The following ERBB4 variants were observed in gnomAD, a reference collection of about 807,000 sequenced individuals.
The protein encoded by ERBB4 is erb-b2 receptor tyrosine kinase 4, also known as receptor tyrosine-protein kinase erbB-4.
A neutral mutation model predicts 158.0 loss-of-function variants in ERBB4; 42 were observed. That is an observed-to-expected ratio of 0.27 (90% CI 0.21 to 0.34). The LOEUF (loss-of-function observed/expected upper bound fraction) is 0.34, where lower values mean the gene tolerates loss of function less well. Among genes scored for constraint, ERBB4 ranks in the 10% least tolerant of loss-of-function variants. ERBB4 has a pLI of 1.00. For synonymous variants in ERBB4, 583 were observed against 558.7 expected (o/e 1.04, Z -0.61); for missense variants, 1,333 against 1,624.1 (o/e 0.82, Z 3.08).
chr2:212,536,303 G>T (rs760896183), intron 1 of ERBB4, among the ~76,000 whole-genome samples: 1 of 152,030 alleles, frequency 6.6e-6, no homozygotes, highest in Non-Finnish European at 1.5e-5. Context: ...GCCAGGTGCG[G>T]CAGGGTGGGG....
chr2:212,364,796 T>C (rs867727365), intron 1 of ERBB4, among the ~76,000 whole-genome samples: 1 of 151,728 alleles, frequency 6.6e-6, no homozygotes, highest in South Asian at 2.1e-4. Flanking sequence ...TTGCATTTTA[T>C]GCATGCCAGT....
intron 2 of ERBB4, among the ~76,000 whole-genome samples, chr2:212,037,013 G>A (rs906203104): frequency 2.6e-5 from 4 of 152,128 alleles, no homozygotes; most frequent in African/African-American, 7.2e-5. Context: ...AGAAATAGGC[G>A]CTACAGTAGA....
chr2:212,101,350 C>CATATATATATATATAT (rs56091369), intron 2 of ERBB4, among the ~76,000 whole-genome samples: 1 of 143,088 alleles, frequency 7.0e-6, no homozygotes, highest in Non-Finnish European at 1.5e-5. Context: ...ACACCCTATA[C>CATATATATATATATAT]ATATATATAT....
intron 20 of ERBB4, 74 bp downstream of exon 20, chr2:211,561,829 A>C: frequency 7.9e-7 from 1 of 1,266,630 alleles, no homozygotes; most frequent in Non-Finnish European, 1.2e-6. Context: ...ACATATTTTC[A>C]ATATGAAAAC....
intron 2 of ERBB4, among the ~76,000 whole-genome samples, chr2:212,108,778 C>T (rs1022723617): frequency 6.4e-5 from 9 of 140,926 alleles, no homozygotes; most frequent in East Asian, 2.0e-4. Flanking sequence ...GAGGAAGTAG[C>T]GTCACATTTT....
chr2:211,851,918 G>A (rs1029983484), intron 3 of ERBB4, among the ~76,000 whole-genome samples: 3 of 151,854 alleles, frequency 2.0e-5, no homozygotes, highest in Non-Finnish European at 2.9e-5. Flanking sequence ...ACCTTGATGA[G>A]TGCTTTTATT....
At chr2:212,351,938 T>C (rs1402674667) in intron 1 of ERBB4, among the ~76,000 whole-genome samples, 3 of 152,112 alleles carry the variant, frequency 2.0e-5, no homozygotes, top group African/African-American at 4.8e-5. Context: ...AGTGGTAGAC[T>C]GGATAAAGAA....
rs376362405 is a variant in ERBB4, at chr2:211,550,574, A to AATATATATATATATAT, written c.2487+11313_2487+11328dup. 9.8e-3 allele frequency among the ~76,000 whole-genome samples: 1,334 copies of AATATATATATATATAT among 136,650 alleles called. 13 individuals carry two copies. Among genetic ancestry groups the AATATATATATATATAT allele is most frequent in the Middle Eastern group, 0.035 (9 of 256 alleles). 89.6% of individuals were successfully genotyped at this position (136,650 alleles called of 152,430 possible). ...ATAATCTCATGAGCTCATTCCTTAG[A>AATATATATATATATAT]ATATATATATATATATATATAAATA... is the stretch of plus-strand genomic sequence containing the variant. On this transcript the variant is annotated intron_variant, in intron 20 of 27. Coordinates refer to ENST00000342788, the MANE Select transcript of ERBB4 (RefSeq NM_005235.3).
chr2:212,229,147 C>A (rs150982270), intron 1 of ERBB4, among the ~76,000 whole-genome samples: 302 of 152,238 alleles, frequency 2.0e-3, no homozygotes, highest in African/African-American at 6.9e-3. Context: ...TTAAGGAACA[C>A]AGTCTAATGT....
intron 1 of ERBB4, among the ~76,000 whole-genome samples, chr2:212,460,111 A>G (rs928480292): frequency 6.6e-6 from 1 of 152,200 alleles, no homozygotes; most frequent in Non-Finnish European, 1.5e-5. Context: ...GCCTGCTGCC[A>G]TCCACATAAG....
chr2:211,884,425 T>C (rs2078742527), intron 3 of ERBB4, among the ~76,000 whole-genome samples: 1 of 152,158 alleles, frequency 6.6e-6, no homozygotes, highest in South Asian at 2.1e-4. Flanking sequence ...GGCAGAAAAG[T>C]AATGTCTTAC....
At chr2:211,775,582 A>G (rs2075852276) in intron 4 of ERBB4, among the ~76,000 whole-genome samples, 1 of 152,212 alleles carries the variant, frequency 6.6e-6, no homozygotes, top group Admixed American at 6.5e-5. Flanking sequence ...GGGTTAAGCT[A>G]CACTTTGGTT....
intron 7 of ERBB4, among the ~76,000 whole-genome samples, chr2:211,716,555 A>G (rs888433084): frequency 2.7e-5 from 4 of 149,514 alleles, no homozygotes; most frequent in African/African-American, 7.4e-5. Flanking sequence ...GGGCGCCTGT[A>G]GTCCCAGCTA....
chr2:212,099,866 T>A (rs2079035069), intron 2 of ERBB4, among the ~76,000 whole-genome samples: 1 of 152,010 alleles, frequency 6.6e-6, no homozygotes, highest in Non-Finnish European at 1.5e-5. Flanking sequence ...TTAGAAGGGC[T>A]ATCTACAGTT....
intron 20 of ERBB4, among the ~76,000 whole-genome samples, chr2:211,461,331 G>A (rs774662871): frequency 8.5e-5 from 13 of 152,148 alleles, no homozygotes; most frequent in East Asian, 1.9e-4. Context: ...GAAAGAAATC[G>A]GAGCTGATTT....
rs943703809 is a variant in ERBB4, at chr2:212,123,911, G to T, written c.234+841C>A. On this transcript the variant is annotated intron_variant, in intron 2 of 27. Coordinates refer to ENST00000342788, the MANE Select transcript of ERBB4 (RefSeq NM_005235.3). ...TCCTAAGAAGTTTGTAAAGGTTACTGAAAACAAGATCAAATGTATTCTAGG... is the reference window on the plus strand; with the variant it reads ...TCCTAAGAAGTTTGTAAAGGTTACTTAAAACAAGATCAAATGTATTCTAGG... Among the ~76,000 whole-genome samples, 4 of 152,180 alleles carry T rather than the reference G, an allele frequency of 2.6e-5. No individual in the cohort carries two copies. In the South Asian group the frequency reaches 8.3e-4, roughly 32 times the overall value.
intron 16 of ERBB4, among the ~76,000 whole-genome samples, chr2:211,641,782 C>T (rs1178369114): frequency 6.6e-6 from 1 of 151,922 alleles, no homozygotes; most frequent in Non-Finnish European, 1.5e-5. Flanking sequence ...ATTTTGCTAT[C>T]GTGGTTTCAA....
At chr2:212,458,301 A>T (rs189714905) in intron 1 of ERBB4, among the ~76,000 whole-genome samples, 4 of 152,090 alleles carry the variant, frequency 2.6e-5, no homozygotes, top group Non-Finnish European at 4.4e-5. Context: ...GGAATCAGGA[A>T]AAAAATGGTA....
intron 15 of ERBB4, 33 bp downstream of exon 15, chr2:211,665,290 C>G (rs772944196): frequency 1.2e-6 from 2 of 1,611,086 alleles, no homozygotes; most frequent in Non-Finnish European, 1.7e-6. Flanking sequence ...ATAACACATA[C>G]CAGGTGAGCC....
Sources: allele counts gnomAD v4.1 joint callset (sites outside exome capture counted in the v4.1 genomes callset), GRCh38; gene constraint gnomAD v4.1.1; transcripts MANE v1.5; gene names NCBI Gene and HGNC (gene_info 2026-07-23, HGNC 2026-07-21).